Variants in SATL1 observed in about 807,000 individuals in gnomAD.
SATL1 encodes the protein spermidine/spermine N1-acetyl transferase like 1.
A neutral mutation model predicts 51.8 loss-of-function variants in SATL1; 47 were observed. The ratio of observed to expected loss-of-function variants is 0.91; its 90% CI spans 0.72 to 1.16. The LOEUF (loss-of-function observed/expected upper bound fraction) is 1.16. Among genes scored for constraint, SATL1 ranks in the 50% most tolerant of loss-of-function variants. SATL1 has a pLI of 0.00. For missense variants in SATL1, 520 were observed against 526.4 expected, an observed-to-expected ratio of 0.99 and a Z score of 0.12; for synonymous variants, 176 against 182.4, an observed-to-expected ratio of 0.97 and a Z score of 0.28.
chrX:85,179,596 G>T (rs1927157649), intron 2 of SATL1, among the ~76,000 whole-genome samples: 1 of 110,939 alleles, frequency 9.0e-6, no homozygotes, highest in South Asian at 3.7e-4. Context: ...CCTTTACTGT[G>T]AGCTAGGTAC....
chrX:85,210,397 T>TAAA (rs11346069), intron 2 of SATL1: 1 of 59,176 alleles, frequency 1.7e-5, no homozygotes, highest in Non-Finnish European at 3.2e-5. Context: ...TCCAAACTGG[T>TAAA]AAAAAAAAAA....
chrX:85,220,215 C>T (rs1308263044), intron 2 of SATL1, among the ~76,000 whole-genome samples: 1 of 110,238 alleles, frequency 9.1e-6, no homozygotes, highest in Non-Finnish European at 1.9e-5. Flanking sequence ...TAAACCAGTC[C>T]TAGCCAGAGG....
chrX:85,220,863 G>A (rs1048448673), intron 2 of SATL1, among the ~76,000 whole-genome samples: 2 of 109,308 alleles, frequency 1.8e-5, no homozygotes, highest in Non-Finnish European at 1.9e-5. Context: ...ACCAGTCACT[G>A]TCCCTTCTAC....
At chrX:85,156,644 G>A (rs766235572) in intron 2 of SATL1, among the ~76,000 whole-genome samples, 11 of 107,605 alleles carry the variant, frequency 1.0e-4, no homozygotes, top group African/African-American at 3.8e-4. Context: ...TACATTGGGA[G>A]TGCTGTCTAC....
rs145492004 is a variant in SATL1, at chrX:85,166,518, T to C, written c.-312-57238A>G. On this transcript the variant is annotated intron_variant, in intron 2 of 7. Transcript: ENST00000644105. ...GATATACAAATGGCCAATGAATATA[T>C]TAAAAAATGCCCCAAATCACTAATT... is the stretch of plus-strand genomic sequence containing the variant. Among the ~76,000 whole-genome samples, 915 of 111,507 alleles carry C rather than the reference T, an allele frequency of 8.2e-3. 12 individuals carry two copies. The highest frequency in any genetic ancestry group is 0.028 in the African/African-American group (868 of 30,706).
At chrX:85,182,832 G>A (rs1279788428) in intron 2 of SATL1, among the ~76,000 whole-genome samples, 1 of 111,543 alleles carries the variant, frequency 9.0e-6, no homozygotes, top group Non-Finnish European at 1.9e-5. Context: ...TTTCCCTGAT[G>A]ATTAGTGATG....
intron 4 of SATL1, 99 bp downstream of exon 4, chrX:85,103,765 T>C: frequency 5.5e-6 from 3 of 543,983 alleles, no homozygotes; most frequent in Non-Finnish European, 9.4e-6. Flanking sequence ...ATGTTAGTAA[T>C]GGTGTCATCT....
At chrX:85,129,668 A>T (rs1925726514) in intron 2 of SATL1, among the ~76,000 whole-genome samples, 1 of 111,703 alleles carries the variant, frequency 9.0e-6, no homozygotes, top group Admixed American at 9.5e-5. Context: ...CCCTGGCCAG[A>T]ACTTCCAACA....
At chrX:85,233,309 A>G (rs1457496872) in intron 1 of SATL1, among the ~76,000 whole-genome samples, 1 of 112,105 alleles carries the variant, frequency 8.9e-6, no homozygotes, top group African/African-American at 3.2e-5. Flanking sequence ...AAAGCCTTCC[A>G]AGAAGAAAGG....
At chrX:85,207,603 G>A (rs1388442703) in intron 2 of SATL1, 1 of 111,626 alleles carries the variant, frequency 9.0e-6, no homozygotes, top group Non-Finnish European at 1.9e-5. Flanking sequence ...TTTATACTTT[G>A]AAATTTGCAA....
At chrX:85,114,332 A>G (rs1262368523) in intron 2 of SATL1, among the ~76,000 whole-genome samples, 8 of 111,547 alleles carry the variant, frequency 7.2e-5, no homozygotes, top group Non-Finnish European at 1.5e-4. Flanking sequence ...GCAAAAAGTC[A>G]TTAAAGGATT....
intron 2 of SATL1, among the ~76,000 whole-genome samples, chrX:85,197,476 T>G (rs1927591830): frequency 9.1e-6 from 1 of 109,922 alleles, no homozygotes; most frequent in Admixed American, 9.8e-5. Flanking sequence ...AGATCTTTAT[T>G]TATTTATTTA....
chrX:85,124,878 C>T (rs754357441), intron 2 of SATL1, among the ~76,000 whole-genome samples: 24 of 110,756 alleles, frequency 2.2e-4, no homozygotes, highest in African/African-American at 6.2e-4. Context: ...CTTGACTGCA[C>T]GTGCCCCATT....
chrX:85,156,859 AT>A lies in SATL1; in HGVS notation c.-312-47580del, dbSNP rs1569238909. The stretch of plus-strand genomic sequence containing the variant: ...TATATATATATATATATATATATAT[AT>A]ATATATATAAAATATGTAAATCTCT... On this transcript the variant is annotated intron_variant, in intron 2 of 7. Coordinates refer to ENST00000644105, the MANE Select transcript of SATL1 (RefSeq NM_001367857.2). 6.3e-3 allele frequency among the ~76,000 whole-genome samples: 241 copies of A among 38,538 alleles called. 3 individuals carry two copies. Among genetic ancestry groups the A allele is most frequent in the African/African-American group, 0.015 (202 of 13,293 alleles). The allele number at this position is 38,538 out of a possible 115,157, so 33.5% of individuals were successfully genotyped here.
intron 2 of SATL1, among the ~76,000 whole-genome samples, chrX:85,166,915 GTATA>G (rs749160963): frequency 7.1e-5 from 6 of 84,224 alleles, no homozygotes; most frequent in African/African-American, 1.5e-4. Flanking sequence ...AGAAAATGGG[GTATA>G]TATATATATA....
intron 2 of SATL1, among the ~76,000 whole-genome samples, chrX:85,164,658 G>C (rs184666019): frequency 5.0e-4 from 55 of 109,965 alleles, no homozygotes; most frequent in African/African-American, 1.7e-3. Context: ...TTTCCTCACA[G>C]CTCTTAAGAT....
At chrX:85,161,956 A>G (rs1926729105) in intron 2 of SATL1, among the ~76,000 whole-genome samples, 1 of 112,012 alleles carries the variant, frequency 8.9e-6, no homozygotes. Context: ...ATATCGTACC[A>G]ACCACTCTCT....
At chrX:85,228,854 A>G (rs1385758506) in intron 1 of SATL1, among the ~76,000 whole-genome samples, 1 of 111,432 alleles carries the variant, frequency 9.0e-6, no homozygotes, top group African/African-American at 3.3e-5. Flanking sequence ...CTCTTTCTTG[A>G]TGATCTCCAA....
Position 85,143,930 on chromosome X carries a change from A to G in SATL1, c.-312-34650T>C, listed in dbSNP as rs749497837. ...CAATACAAATATGTACTTACATGAT[A>G]TAATAAAAACCATGCGAATCCATGT... On this transcript the variant is annotated intron_variant, in intron 2 of 7. Transcript: ENST00000644105. Among the ~76,000 whole-genome samples, 6 of 112,263 alleles carry G rather than the reference A, an allele frequency of 5.3e-5. No homozygotes were observed. In the Admixed American group the frequency reaches 5.7e-4, roughly 11 times the overall value.
Sources: allele counts gnomAD v4.1 joint callset (sites outside exome capture counted in the v4.1 genomes callset), GRCh38; gene constraint gnomAD v4.1.1; transcripts MANE v1.5; gene names NCBI Gene and HGNC (gene_info 2026-07-23, HGNC 2026-07-21).